The following SRPRB variants were observed in gnomAD, a reference collection of about 807,000 sequenced individuals.
SRPRB encodes the protein SRP receptor subunit beta.
A neutral mutation model predicts 31.9 loss-of-function variants in SRPRB; 20 were observed. That is an observed-to-expected ratio of 0.63 (90% CI 0.44 to 0.91). The LOEUF (loss-of-function observed/expected upper bound fraction) is 0.91. SRPRB is among the 40% of genes least tolerant of loss of function. SRPRB has a pLI of 0.00. For synonymous variants in SRPRB, 146 were observed against 132.8 expected (o/e 1.10, Z -0.68); for missense variants, 321 against 324.9 (o/e 0.99, Z 0.09).
intron 3 of SRPRB, among the ~76,000 whole-genome samples, chr3:133,808,093 T>C (rs1035017811): frequency 6.6e-6 from 1 of 152,352 alleles, no homozygotes; most frequent in Non-Finnish European, 1.5e-5. Flanking sequence ...TTTCCAACTT[T>C]ACAATGAGTT....
At chr3:133,804,247 G>T (rs564862807), upstream of SRPRB, among the ~76,000 whole-genome samples, 155 of 151,998 alleles carry the variant, frequency 1.0e-3, no homozygotes, top group Non-Finnish European at 1.4e-3. Context: ...GTGAGTCACC[G>T]GGTCCTCCCC....
At position 133,806,630 on chromosome 3, in the gene SRPRB, G is replaced by A; in HGVS notation, c.176G>A (p.Ser59Asn). ...ACAGTCTTCTGGAAGTTAATCCGGAGCAGAAGGAGCAGTCAGAGAGCTGTT... is the reference window on the plus strand; with the variant it reads ...ACAGTCTTCTGGAAGTTAATCCGGAACAGAAGGAGCAGTCAGAGAGCTGTT... ...LTLVFWKLIR[S>N]RRSSQRAVLL... The change falls in exon 2 of 7, where the codon AGC (serine) becomes AAC (asparagine). Residue 59 changes from serine to asparagine, a missense_variant. Physicochemically the swap from Ser to Asn is conservative, Grantham distance 46. Transcript: ENST00000678299. 1 of 1,614,136 alleles carries A rather than the reference G, an allele frequency of 6.2e-7. No homozygotes were observed. Among genetic ancestry groups the A allele is most frequent in the Non-Finnish European group, 8.5e-7 (1 of 1,179,972 alleles).
At chr3:133,796,542 A>G (rs1416259826) in intron 1 of SRPRB, 2 of 152,248 alleles carry the variant, frequency 1.3e-5, no homozygotes, top group African/African-American at 4.8e-5. Flanking sequence ...TAAACCCCAG[A>G]AAATTCTGTA....
intron 1 of SRPRB, 45 bp from the exon 2 acceptor site, chr3:133,806,564 T>G: frequency 1.3e-6 from 2 of 1,517,226 alleles, no homozygotes. Flanking sequence ...CATATACTGA[T>G]TCCCAAGGCG....
upstream of SRPRB, among the ~76,000 whole-genome samples, chr3:133,803,377 C>T (rs1054777959): frequency 6.6e-6 from 1 of 152,220 alleles, no homozygotes; most frequent in African/African-American, 2.4e-5. Context: ...TCCTGCCAAC[C>T]TTTCTAGCTT....
intron 2 of SRPRB, 62 bp downstream of exon 2, chr3:133,806,765 C>A: frequency 8.2e-7 from 1 of 1,222,910 alleles, no homozygotes; most frequent in Non-Finnish European, 1.2e-6. Context: ...TCCCAGTATT[C>A]CTGTCATCTC....
downstream of SRPRB, chr3:133,828,052 A>C (rs1935599644): frequency 1.0e-5 from 7 of 697,148 alleles, no homozygotes. Flanking sequence ...GGTTGCCTGT[A>C]CCCTCAACCC....
intron 1 of SRPRB, among the ~76,000 whole-genome samples, chr3:133,797,389 T>C (rs1346412871): frequency 1.3e-5 from 2 of 152,190 alleles, no homozygotes; most frequent in East Asian, 1.9e-4. Context: ...AGAAGACACA[T>C]CCAAATTATA....
intron 4 of SRPRB, 79 bp downstream of exon 4, chr3:133,811,278 G>C: frequency 6.7e-7 from 1 of 1,482,102 alleles, no homozygotes; most frequent in Non-Finnish European, 9.4e-7. Context: ...TTGCTCTGGT[G>C]GTGTTTGGGA....
intron 1 of SRPRB, chr3:133,791,826 G>A (rs1165990483): frequency 2.0e-5 from 3 of 152,122 alleles, no homozygotes; most frequent in Non-Finnish European, 2.9e-5. Context: ...TTCTGTCTGT[G>A]TATTTATATG....
downstream of SRPRB, chr3:133,825,894 T>C (rs1361383017): frequency 6.6e-6 from 1 of 152,152 alleles, no homozygotes; most frequent in Non-Finnish European, 1.5e-5. Context: ...TGCTAACCCA[T>C]CTGGATTCAG....
intron 1 of SRPRB, chr3:133,796,603 T>C (rs769461935): frequency 2.6e-5 from 4 of 152,192 alleles, no homozygotes; most frequent in Non-Finnish European, 4.4e-5. Flanking sequence ...CTGTGGAGTG[T>C]ACTTTTGTTT....
chr3:133,827,743 A>ACCACC (rs1559896896), downstream of SRPRB: 4 of 213,272 alleles, frequency 1.9e-5, no homozygotes, highest in South Asian at 3.0e-5. Flanking sequence ...TTCTGCAGAC[A>ACCACC]ACACCCCCCC....
At chr3:133,809,795 T>A (rs919753567) in intron 3 of SRPRB, among the ~76,000 whole-genome samples, 1 of 152,226 alleles carries the variant, frequency 6.6e-6, no homozygotes, top group Non-Finnish European at 1.5e-5. Flanking sequence ...TTTCTTTTTT[T>A]ATTACATTTT....
chr3:133,827,685 A>G (rs551316144), downstream of SRPRB: 27 of 578,528 alleles, frequency 4.7e-5, no homozygotes, highest in African/African-American at 4.1e-4. Context: ...AGCACTCAAC[A>G]ATATTAGCAG....
At chr3:133,802,884 G>A (rs772422862), upstream of SRPRB, among the ~76,000 whole-genome samples, 1 of 152,052 alleles carries the variant, frequency 6.6e-6, no homozygotes, top group Non-Finnish European at 1.5e-5. Context: ...CTACTCTTAC[G>A]TTGGATCCAC....
At chr3:133,812,538 T>C (rs1018454822) in intron 4 of SRPRB, among the ~76,000 whole-genome samples, 1 of 152,242 alleles carries the variant, frequency 6.6e-6, no homozygotes, top group Admixed American at 6.5e-5. Context: ...ATTATAATCA[T>C]GATAACATGC....
chr3:133,804,086 A>C (rs1412856077), upstream of SRPRB, among the ~76,000 whole-genome samples: 1 of 112,778 alleles, frequency 8.9e-6, no homozygotes, highest in Non-Finnish European at 1.7e-5. Context: ...ACAGAGCGAG[A>C]CTCTGTCTCA....
At chr3:133,811,302 C>T (rs930924519) in intron 4 of SRPRB, 103 bp downstream of exon 4, 15 of 1,228,840 alleles carry the variant, frequency 1.2e-5, no homozygotes, top group African/African-American at 3.0e-5. Flanking sequence ...AGCATGGTAT[C>T]CTGTGGTAGA....
Sources: allele counts gnomAD v4.1 joint callset (sites outside exome capture counted in the v4.1 genomes callset), GRCh38; gene constraint gnomAD v4.1.1; transcripts MANE v1.5; gene names NCBI Gene and HGNC (gene_info 2026-07-23, HGNC 2026-07-21).